KLHL32: variants seen among roughly 807,000 people sequenced by gnomAD.
KLHL32 encodes the protein kelch-like protein 32.
KLHL32 carries 35 observed loss-of-function variants against 64.8 expected under a neutral mutation model. That is an observed-to-expected ratio of 0.54 (90% CI 0.41 to 0.72). The LOEUF (loss-of-function observed/expected upper bound fraction) is 0.72. Among genes scored for constraint, KLHL32 ranks in the 30% least tolerant of loss-of-function variants. The pLI, the probability that KLHL32 is intolerant of heterozygous loss-of-function variation, is 0.00. For synonymous variants in KLHL32, 259 were observed against 281.0 expected, an observed-to-expected ratio of 0.92 and a Z score of 0.78; for missense variants, 589 against 768.5, an observed-to-expected ratio of 0.77 and a Z score of 2.76.
chr6:96,906,701 A>G, the KLHL32 span, among the ~76,000 whole-genome samples: 1 of 152,200 alleles, frequency 6.6e-6, no homozygotes, highest in Non-Finnish European at 1.5e-5. Flanking sequence ...GGACAGATAG[A>G]CAGCAACAGT....
intron 3 of KLHL32, among the ~76,000 whole-genome samples, chr6:97,028,995 G>A (rs1325635451): frequency 2.0e-5 from 3 of 152,236 alleles, no homozygotes; most frequent in Admixed American, 6.5e-5. Context: ...GAAGTCAAAT[G>A]TGTGGATGCC....
chr6:97,054,528 T>A (rs1787482489), intron 4 of KLHL32, among the ~76,000 whole-genome samples: 1 of 152,194 alleles, frequency 6.6e-6, no homozygotes, highest in African/African-American at 2.4e-5. Flanking sequence ...TCTGAATTAT[T>A]TGCATATATA....
chr6:97,095,700 C>T (rs572553595), intron 6 of KLHL32, among the ~76,000 whole-genome samples: 1 of 152,294 alleles, frequency 6.6e-6, no homozygotes, highest in South Asian at 2.1e-4. Context: ...GAGCATGTGT[C>T]ATTCATTGAT....
At chr6:97,103,213 C>CTTT (rs5878463) in intron 6 of KLHL32, among the ~76,000 whole-genome samples, 1 of 121,408 alleles carries the variant, frequency 8.2e-6, no homozygotes, top group South Asian at 2.6e-4. Context: ...TTGAATTTAT[C>CTTT]TTTTTTTTTT....
At position 97,064,612 on chromosome 6, in the gene KLHL32, T is replaced by A; in HGVS notation, c.313-16T>A. 1 of 1,603,544 alleles carries A rather than the reference T, an allele frequency of 6.2e-7. No individual in the cohort carries two copies. Among genetic ancestry groups the A allele is most frequent in the South Asian group, 1.1e-5 (1 of 90,592 alleles). On this transcript the variant is annotated splice_polypyrimidine_tract_variant and intron_variant, in intron 4 of 10. Transcript: ENST00000369261. ...AGTGTAACTGATAGTTTTATTTTTGTTAACAAACAAAACAGATTTTGCTGG... is the reference window on the plus strand; with the variant it reads ...AGTGTAACTGATAGTTTTATTTTTGATAACAAACAAAACAGATTTTGCTGG...
the KLHL32 span, among the ~76,000 whole-genome samples, chr6:96,908,529 C>G: frequency 7.2e-5 from 11 of 152,178 alleles, no homozygotes; most frequent in Non-Finnish European, 1.6e-4. Context: ...TCCTACACTT[C>G]TGGATATTCC....
chr6:97,106,465 G>A (rs1248504561), intron 6 of KLHL32, among the ~76,000 whole-genome samples: 2 of 152,022 alleles, frequency 1.3e-5, no homozygotes, highest in African/African-American at 2.4e-5. Context: ...AAAATAGACC[G>A]GGTGCAGTGG....
chr6:97,130,742 A>G lies in KLHL32; in HGVS notation c.1414-15A>G, dbSNP rs746703903. On this transcript the variant is annotated splice_polypyrimidine_tract_variant and intron_variant, in intron 8 of 10. Transcript: ENST00000369261. ...GTCTCCTACTAACAGAATACACTTA[A>G]ATTTCTTTTTTCAGAATAAGTGGAT... 21 of 1,596,168 alleles carry G rather than the reference A, an allele frequency of 1.3e-5. No individual in the cohort carries two copies. The highest frequency in any genetic ancestry group is 2.2e-5 in the East Asian group (1 of 44,682).
intron 3 of KLHL32, among the ~76,000 whole-genome samples, chr6:96,982,672 T>C (rs906582109): frequency 1.1e-4 from 16 of 151,968 alleles, no homozygotes; most frequent in Non-Finnish European, 1.5e-4. Flanking sequence ...CATGATTTGG[T>C]TCTCTGTTTG....
rs147318250 is a variant in KLHL32 at position 96,990,422 on chromosome 6, A to G, written c.204+14245A>G. Among the ~76,000 whole-genome samples, 254 of 152,196 alleles carry G rather than the reference A, an allele frequency of 1.7e-3. 2 individuals are homozygous for G. Among genetic ancestry groups the G allele is most frequent in the African/African-American group, 5.8e-3 (240 of 41,524 alleles). Reference sequence around the variant, plus strand: ...TAAATGGTGCTTAAGTATAATGGTAAGTTCTTGCTCAACCACGTGGCTCCT... The same window carrying G: ...TAAATGGTGCTTAAGTATAATGGTAGGTTCTTGCTCAACCACGTGGCTCCT... On this transcript the variant is annotated intron_variant, in intron 3 of 10. Transcript: ENST00000369261.
chr6:96,979,508 T>C (rs932399354), intron 3 of KLHL32, among the ~76,000 whole-genome samples: 10 of 152,218 alleles, frequency 6.6e-5, no homozygotes, highest in Admixed American at 2.6e-4. Context: ...TGCCTGTTTT[T>C]ATACTGGTAT....
At chr6:97,063,909 C>G (rs1005603010) in intron 4 of KLHL32, among the ~76,000 whole-genome samples, 1 of 152,116 alleles carries the variant, frequency 6.6e-6, no homozygotes, top group Non-Finnish European at 1.5e-5. Context: ...TTTTTTCCAG[C>G]CCTGATCAGC....
chr6:96,946,553 A>G (rs1472700833), intron 1 of KLHL32, among the ~76,000 whole-genome samples: 1 of 152,194 alleles, frequency 6.6e-6, no homozygotes, highest in African/African-American at 2.4e-5. Context: ...GCTATGAGCT[A>G]GGAATTATTG....
At chr6:96,973,075 C>T (rs748236228) in intron 2 of KLHL32, among the ~76,000 whole-genome samples, 4 of 152,152 alleles carry the variant, frequency 2.6e-5, no homozygotes, top group Admixed American at 2.6e-4. Context: ...TTTTAAGGAT[C>T]CCTAACATAT....
Position 97,140,702 on chromosome 6 carries a change from G to T in KLHL32, c.*1420G>T, listed in dbSNP as rs1478376089. The T allele has an allele frequency of 2.0e-5, 3 of 151,836 alleles. No homozygotes were observed. Among genetic ancestry groups the T allele is most frequent in the African/African-American group, 7.2e-5 (3 of 41,410 alleles). 9.4% of individuals were successfully genotyped at this position (151,836 alleles called of 1,614,324 possible). A position where few individuals can be genotyped will look rare whatever the true frequency, so the allele number is the denominator to read the frequency against. On this transcript the variant is annotated 3_prime_UTR_variant, in exon 11 of 11. Coordinates refer to ENST00000369261, the MANE Select transcript of KLHL32 (RefSeq NM_052904.4). ...TAAAGGAAATTGTTATTTTATTCAT[G>T]TAACCTTTTTTTGTAATCAAAAGTG...
At chr6:96,911,824 CTTTTTTTTTTTTT>C in the KLHL32 span, among the ~76,000 whole-genome samples, 8 of 54,078 alleles carry the variant, frequency 1.5e-4, no homozygotes, top group African/African-American at 4.3e-4. Context: ...CTCGGTCCTT[CTTTTTTTTTTTTT>C]TTTTTTTTTT....
At chr6:97,044,386 G>A (rs1348852297) in intron 4 of KLHL32, among the ~76,000 whole-genome samples, 1 of 152,026 alleles carries the variant, frequency 6.6e-6, no homozygotes, top group Non-Finnish European at 1.5e-5. Flanking sequence ...ATCATTCACT[G>A]TGCTGTTGAA....
At chr6:97,010,917 G>A (rs1780325242) in intron 3 of KLHL32, among the ~76,000 whole-genome samples, 1 of 152,164 alleles carries the variant, frequency 6.6e-6, no homozygotes, top group East Asian at 1.9e-4. Context: ...ATTCTTTACT[G>A]GAGATTGTCC....
rs570835178 is a variant in KLHL32 at position 97,055,771 on chromosome 6, C to T, written c.313-8857C>T. Reference sequence around the variant, plus strand: ...CGATATCGTGCCCCTGCACCCCAGCCGAGGTAACAGACTGAGAACCTGTCT... The same window carrying T: ...CGATATCGTGCCCCTGCACCCCAGCTGAGGTAACAGACTGAGAACCTGTCT... On this transcript the variant is annotated intron_variant, in intron 4 of 10. Coordinates refer to ENST00000369261, the MANE Select transcript of KLHL32 (RefSeq NM_052904.4). Among the ~76,000 whole-genome samples the T allele has an allele frequency of 4.2e-5, 5 of 119,698 alleles. No individual in the cohort carries two copies. The East Asian group carries it at 1.2e-3, about 28-fold the overall frequency. 78.5% of individuals were successfully genotyped at this position (119,698 alleles called of 152,430 possible). A position where few individuals can be genotyped will look rare whatever the true frequency, so the allele number is the denominator to read the frequency against.
Sources: gnomAD v4.1 joint callset for allele counts (sites outside exome capture counted in the v4.1 genomes callset) on GRCh38, gnomAD v4.1.1 for gene constraint, MANE v1.5 for transcripts, NCBI Gene and HGNC (gene_info 2026-07-23, HGNC 2026-07-21) for gene names.